MIPOL1: variants seen among roughly 807,000 people sequenced by gnomAD.
MIPOL1 encodes mirror-image polydactyly gene 1 protein.
MIPOL1 carries 57 observed loss-of-function variants against 60.9 expected under a neutral mutation model. The ratio of observed to expected loss-of-function variants is 0.94; its 90% confidence interval spans 0.76 to 1.17. The LOEUF is 1.17. MIPOL1 is among the 50% of genes most tolerant of loss of function. The pLI, the probability that MIPOL1 is intolerant of heterozygous loss-of-function variation, is 0.00. For synonymous variants in MIPOL1, 179 were observed against 168.8 expected (o/e 1.06, Z -0.47); for missense variants, 551 against 511.6 (o/e 1.08, Z -0.74).
chr14:37,428,253 G>A (rs1422497010), intron 11 of MIPOL1, among the ~76,000 whole-genome samples: 1 of 152,134 alleles, frequency 6.6e-6, no homozygotes, highest in Non-Finnish European at 1.5e-5. Context: ...CTTCGTTTTA[G>A]GGGCAGATTA....
At chr14:37,441,716 GT>G (rs1566610900) in intron 11 of MIPOL1, among the ~76,000 whole-genome samples, 1 of 151,502 alleles carries the variant, frequency 6.6e-6, no homozygotes, top group Non-Finnish European at 1.5e-5. Context: ...GTTTTTTGGG[GT>G]TTTTTGCTTA....
intron 11 of MIPOL1, among the ~76,000 whole-genome samples, chr14:37,445,982 C>G (rs866595505): frequency 6.6e-6 from 1 of 151,960 alleles, no homozygotes; most frequent in African/African-American, 2.4e-5. Context: ...AGAAGAAAAC[C>G]TAGGCATTAC....
chr14:37,398,156 C>T (rs1042751239), intron 10 of MIPOL1, among the ~76,000 whole-genome samples: 1 of 152,168 alleles, frequency 6.6e-6, no homozygotes, highest in Non-Finnish European at 1.5e-5. Flanking sequence ...CTGCTGCTTC[C>T]TCTACCCCTG....
At chr14:37,363,016 T>A (rs1692215730) in intron 9 of MIPOL1, among the ~76,000 whole-genome samples, 2 of 152,164 alleles carry the variant, frequency 1.3e-5, no homozygotes, top group South Asian at 4.1e-4. Flanking sequence ...CGTCCAACCT[T>A]TTTTCAAGAT....
chr14:37,546,041 AAAG>A (rs989472561), intron 12 of MIPOL1: 2 of 170,034 alleles, frequency 1.2e-5, no homozygotes, highest in South Asian at 4.0e-4. Context: ...AAAGAAAATA[AAAG>A]AAGAAAACCA....
chr14:37,199,594 G>A (rs1344548510), intron 1 of MIPOL1, among the ~76,000 whole-genome samples: 3 of 151,680 alleles, frequency 2.0e-5, no homozygotes, highest in Admixed American at 1.3e-4. Flanking sequence ...GCGCGATCTC[G>A]GCTTACTGCA....
intron 9 of MIPOL1, among the ~76,000 whole-genome samples, chr14:37,311,733 T>C (rs997979050): frequency 6.6e-6 from 1 of 152,192 alleles, no homozygotes; most frequent in East Asian, 1.9e-4. Flanking sequence ...GTTTTGGTTT[T>C]CTCTAATTTT....
chr14:37,425,198 T>G (rs2093940589), intron 11 of MIPOL1, among the ~76,000 whole-genome samples: 1 of 152,172 alleles, frequency 6.6e-6, no homozygotes, highest in South Asian at 2.1e-4. Context: ...GGTGCTCTGT[T>G]GATGAAGTGA....
intron 9 of MIPOL1, among the ~76,000 whole-genome samples, chr14:37,325,726 C>T (rs1055860882): frequency 6.6e-6 from 1 of 152,070 alleles, no homozygotes; most frequent in Non-Finnish European, 1.5e-5. Flanking sequence ...AGATATATGA[C>T]ATGAATATAA....
intron 11 of MIPOL1, among the ~76,000 whole-genome samples, chr14:37,490,174 A>G (rs965169219): frequency 6.6e-6 from 1 of 152,176 alleles, no homozygotes; most frequent in Non-Finnish European, 1.5e-5. Context: ...CTAGAGAGGC[A>G]GTCTGGCCAC....
intron 12 of MIPOL1, among the ~76,000 whole-genome samples, chr14:37,538,811 A>G (rs1053735554): frequency 6.6e-6 from 1 of 152,200 alleles, no homozygotes; most frequent in Non-Finnish European, 1.5e-5. Flanking sequence ...GAGATCGCAC[A>G]TCAAGAGAGA....
rs923710605 is a variant in MIPOL1 at position 37,226,476 on chromosome 14, G to T, written c.-198-20627G>T. On this transcript the variant is annotated intron_variant, in intron 1 of 12. Transcript: ENST00000684589. ...AGACAGTGAGAGCCAAGCAATAGGG[G>T]TTCCCCCTTATAGAACCATCAGATC... is the stretch of plus-strand genomic sequence containing the variant. Among the ~76,000 whole-genome samples, 8 of 152,270 alleles carry T rather than the reference G, an allele frequency of 5.3e-5. No homozygotes were observed. The South Asian group carries it at 8.3e-4, about 16-fold the overall frequency.
intron 9 of MIPOL1, among the ~76,000 whole-genome samples, chr14:37,343,150 C>T (rs927134557): frequency 6.6e-6 from 1 of 151,554 alleles, no homozygotes; most frequent in Non-Finnish European, 1.5e-5. Flanking sequence ...ACATACATAT[C>T]AGCTGTAGTG....
intron 10 of MIPOL1, among the ~76,000 whole-genome samples, chr14:37,376,439 A>G (rs1286948046): frequency 6.6e-6 from 1 of 152,116 alleles, no homozygotes; most frequent in Non-Finnish European, 1.5e-5. Flanking sequence ...ATTGGCTTCT[A>G]TAACTTAGTA....
At chr14:37,528,850 C>T (rs558411369) in intron 12 of MIPOL1, among the ~76,000 whole-genome samples, 1 of 152,204 alleles carries the variant, frequency 6.6e-6, no homozygotes, top group East Asian at 1.9e-4. Flanking sequence ...AGCTTCACTG[C>T]TATAGTTTGC....
intron 10 of MIPOL1, among the ~76,000 whole-genome samples, chr14:37,379,998 GA>G (rs1458903757): frequency 7.2e-5 from 11 of 152,046 alleles, no homozygotes; most frequent in African/African-American, 2.7e-4. Context: ...GGCCTGGTTT[GA>G]AAAGGTAGTA....
intron 9 of MIPOL1, among the ~76,000 whole-genome samples, chr14:37,337,520 C>T (rs1176173300): frequency 6.6e-6 from 1 of 150,454 alleles, no homozygotes; most frequent in East Asian, 2.0e-4. Flanking sequence ...AGGTGCCCAC[C>T]ACCACGCCTG....
chr14:37,472,753 CA>C lies in MIPOL1; in HGVS notation c.1032-27153del, dbSNP rs761241895. ...AGCTGGATTATGTTACCCTCTGAAG[CA>C]ACACAGAATTCTGTAAACTGCCTCT... On this transcript the variant is annotated intron_variant, in intron 11 of 12. Transcript: ENST00000684589. 3.9e-5 allele frequency among the ~76,000 whole-genome samples: 6 copies of C among 152,066 alleles called. No homozygotes were observed. The South Asian group carries it at 6.2e-4, about 16-fold the overall frequency.
At chr14:37,241,623 C>G (rs1972377507) in intron 1 of MIPOL1, among the ~76,000 whole-genome samples, 1 of 151,732 alleles carries the variant, frequency 6.6e-6, no homozygotes, top group African/African-American at 2.4e-5. Context: ...GTTACATTGA[C>G]CTTCAATGAT....
Sources: allele counts gnomAD v4.1 joint callset (sites outside exome capture counted in the v4.1 genomes callset), GRCh38; gene constraint gnomAD v4.1.1; transcripts MANE v1.5; gene names NCBI Gene and HGNC (gene_info 2026-07-23, HGNC 2026-07-21).